Variants in LRRC63 observed in about 807,000 individuals in gnomAD.
LRRC63 encodes the protein leucine-rich repeat-containing protein 63.
A neutral mutation model predicts 49.5 loss-of-function variants in LRRC63; 40 were observed. The observed-to-expected ratio is 0.81, with a 90% CI of 0.63 to 1.05. The LOEUF (loss-of-function observed/expected upper bound fraction) is 1.05. LRRC63 is among the 50% of genes least tolerant of loss of function. The pLI is 0.00. For synonymous variants in LRRC63, 191 were observed against 221.1 expected, an observed-to-expected ratio of 0.86 and a Z score of 1.21; for missense variants, 636 against 663.1, an observed-to-expected ratio of 0.96 and a Z score of 0.45.
exon 2 of LRRC63, chr13:46,213,004 T>C: frequency 1.4e-6 from 2 of 1,404,822 alleles, no homozygotes; most frequent in Non-Finnish European, 2.0e-6. Flanking sequence ...AAACCAAGGA[T>C]TATGAAAAAC....
intron 9 of LRRC63, among the ~76,000 whole-genome samples, chr13:46,275,520 G>C (rs2047822928): frequency 6.6e-6 from 1 of 151,980 alleles, no homozygotes; most frequent in Non-Finnish European, 1.5e-5. Context: ...ATTCTCACTA[G>C]AGTAAGATAT....
intron 7 of LRRC63, among the ~76,000 whole-genome samples, chr13:46,252,990 G>A (rs145852785): frequency 7.5e-4 from 114 of 152,050 alleles, no homozygotes; most frequent in African/African-American, 2.5e-3. Context: ...TATATTTTAC[G>A]TTATTCTAGT....
At chr13:46,231,319 T>G (rs1014227955) in intron 4 of LRRC63, among the ~76,000 whole-genome samples, 3 of 152,170 alleles carry the variant, frequency 2.0e-5, no homozygotes, top group Non-Finnish European at 4.4e-5. Flanking sequence ...CTGAGTAATG[T>G]GTAGAGAAAA....
At chr13:46,231,734 T>A (rs377001949) in intron 4 of LRRC63, among the ~76,000 whole-genome samples, 1 of 150,318 alleles carries the variant, frequency 6.7e-6, no homozygotes, top group Non-Finnish European at 1.5e-5. Flanking sequence ...GGTCTCAAAC[T>A]CCCAACCTCT....
At chr13:46,228,307 A>T (rs555613999) in intron 3 of LRRC63, 118 bp downstream of exon 3, 1 of 741,036 alleles carries the variant, frequency 1.3e-6, no homozygotes, top group African/African-American at 1.8e-5. Flanking sequence ...GGATGGAATC[A>T]CCTTTTATAT....
At chr13:46,255,326 A>C (rs191227851) in intron 7 of LRRC63, among the ~76,000 whole-genome samples, 10 of 152,204 alleles carry the variant, frequency 6.6e-5, no homozygotes, top group Admixed American at 4.6e-4. Flanking sequence ...GTTTGGGATG[A>C]TGGGAAAGTT....
At chr13:46,276,006 G>T (rs886642767) in intron 9 of LRRC63, among the ~76,000 whole-genome samples, 7 of 151,864 alleles carry the variant, frequency 4.6e-5, no homozygotes, top group Non-Finnish European at 8.8e-5. Context: ...TGTATTCCCC[G>T]ATTACTAGGG....
At chr13:46,254,426 A>G (rs1277088045) in intron 7 of LRRC63, among the ~76,000 whole-genome samples, 2 of 152,200 alleles carry the variant, frequency 1.3e-5, no homozygotes, top group African/African-American at 2.4e-5. Flanking sequence ...GGAAGAAGTC[A>G]TCAGCTCAGG....
At chr13:46,214,893 G>A (rs2138337874) in intron 2 of LRRC63, among the ~76,000 whole-genome samples, 1 of 152,248 alleles carries the variant, frequency 6.6e-6, no homozygotes, top group East Asian at 1.9e-4. Context: ...TTAGTTTGCT[G>A]AGGATGATGT....
intron 2 of LRRC63, among the ~76,000 whole-genome samples, chr13:46,227,144 G>A (rs1467701439): frequency 6.6e-6 from 1 of 152,174 alleles, no homozygotes; most frequent in Non-Finnish European, 1.5e-5. Context: ...AATGATGTAT[G>A]ATAAATAGCA....
intron 2 of LRRC63, among the ~76,000 whole-genome samples, chr13:46,219,757 G>A (rs1200687341): frequency 3.9e-5 from 6 of 152,188 alleles, no homozygotes; most frequent in Non-Finnish European, 7.4e-5. Flanking sequence ...TTTGGTCTTT[G>A]ATGTTGGTCA....
rs752992115 is a variant in LRRC63 at position 46,276,826 on chromosome 13, G to GTATATATATA, written c.*24_*25insATATATATAT. ...TAGTACAATGATTTATCGTATGTGT[G>GTATATATATA]TGTATATATATATATATATATATAT... is the stretch of plus-strand genomic sequence containing the variant. On this transcript the variant is annotated 3_prime_UTR_variant, in exon 10 of 10. Coordinates refer to ENST00000595396, the Ensembl canonical transcript of LRRC63. 8.0e-4 allele frequency: 133 copies of GTATATATATA among 165,306 alleles called. 1 individual carries two copies. Among genetic ancestry groups the GTATATATATA allele is most frequent in the African/African-American group, 2.7e-3 (81 of 30,394 alleles). The allele number at this position is 165,306 out of a possible 1,614,324, so 10.2% of individuals were successfully genotyped here.
chr13:46,251,349 A>T (rs558992401), intron 7 of LRRC63, among the ~76,000 whole-genome samples: 2 of 151,924 alleles, frequency 1.3e-5, no homozygotes, highest in East Asian at 3.8e-4. Flanking sequence ...TATAAAATGC[A>T]TATACATATC....
chr13:46,272,642 T>G (rs796158379), intron 9 of LRRC63, among the ~76,000 whole-genome samples: 26 of 152,306 alleles, frequency 1.7e-4, no homozygotes, highest in African/African-American at 6.3e-4. Context: ...AATAGTTACA[T>G]GTAAACACAA....
At chr13:46,251,352 T>A (rs2138529005) in intron 7 of LRRC63, among the ~76,000 whole-genome samples, 1 of 151,986 alleles carries the variant, frequency 6.6e-6, no homozygotes, top group Middle Eastern at 3.4e-3. Flanking sequence ...AAAATGCATA[T>A]ACATATCACA....
chr13:46,260,766 A>G (rs2047601939), intron 7 of LRRC63, among the ~76,000 whole-genome samples: 1 of 152,174 alleles, frequency 6.6e-6, no homozygotes, highest in Non-Finnish European at 1.5e-5. Flanking sequence ...AATTCAGGGA[A>G]TTTTAGCAAA....
intron 6 of LRRC63, among the ~76,000 whole-genome samples, chr13:46,247,536 T>C (rs866013850): frequency 6.6e-6 from 1 of 152,154 alleles, no homozygotes; most frequent in Non-Finnish European, 1.5e-5. Context: ...GTGCTCATTG[T>C]TAAAGTGACA....
chr13:46,221,635 T>G (rs1206152858), intron 2 of LRRC63, among the ~76,000 whole-genome samples: 1 of 152,222 alleles, frequency 6.6e-6, no homozygotes, highest in Non-Finnish European at 1.5e-5. Flanking sequence ...GAGGGGTTCA[T>G]AAGTATATGG....
intron 2 of LRRC63, among the ~76,000 whole-genome samples, chr13:46,222,710 G>A (rs1324895146): frequency 6.6e-6 from 1 of 151,410 alleles, no homozygotes; most frequent in Non-Finnish European, 1.5e-5. Context: ...CCCATTACTG[G>A]GTATATACCC....
Sources: allele counts gnomAD v4.1 joint callset (sites outside exome capture counted in the v4.1 genomes callset), GRCh38; gene constraint gnomAD v4.1.1; transcripts MANE v1.5; gene names NCBI Gene and HGNC (gene_info 2026-07-23, HGNC 2026-07-21).